The following LPP variants were observed in gnomAD, a reference collection of about 807,000 sequenced individuals.
The protein encoded by LPP is lipoma-preferred partner.
LPP carries 38 observed loss-of-function variants against 60.4 expected under a neutral mutation model. That is an observed-to-expected ratio of 0.63 (90% CI 0.49 to 0.83). LPP has a LOEUF of 0.83. Ranked by LOEUF, LPP falls within the 40% of genes least tolerant of loss-of-function variation. The pLI, the probability that LPP is intolerant of heterozygous loss-of-function variation, is 0.00. For synonymous variants in LPP, 328 were observed against 290.8 expected, an observed-to-expected ratio of 1.13 and a Z score of -1.30; for missense variants, 902 against 783.6, an observed-to-expected ratio of 1.15 and a Z score of -1.80.
intron 2 of LPP, among the ~76,000 whole-genome samples, chr3:188,313,890 A>G (rs1402971846): frequency 6.6e-6 from 1 of 152,062 alleles, no homozygotes; most frequent in Admixed American, 6.5e-5. Context: ...TGCTCTAGTT[A>G]ATGTAATTAT....
At chr3:188,774,425 C>A (rs1737062346) in intron 9 of LPP, among the ~76,000 whole-genome samples, 1 of 43,238 alleles carries the variant, frequency 2.3e-5, no homozygotes, top group Admixed American at 3.5e-4. Flanking sequence ...TCCTTAGGAG[C>A]AAACTCATTT....
At chr3:188,693,105 T>C (rs1433181570) in intron 7 of LPP, among the ~76,000 whole-genome samples, 1 of 152,220 alleles carries the variant, frequency 6.6e-6, no homozygotes, top group Non-Finnish European at 1.5e-5. Flanking sequence ...TGGCACATAA[T>C]TACATGAAAC....
At position 188,375,110 on chromosome 3, in the gene LPP, A is replaced by C. The variant is rs574702172; in HGVS notation, c.-9-31002A>C. Among the ~76,000 whole-genome samples, 104 of 152,232 alleles carry C rather than the reference A, an allele frequency of 6.8e-4. 5 individuals carry two copies. The South Asian group carries it at 0.02, about 29-fold the overall frequency. On this transcript the variant is annotated intron_variant, in intron 3 of 11. Coordinates refer to ENST00000617246, the MANE Select transcript of LPP (RefSeq NM_001375462.1). ...GACGTGCTGCTGGATTCGGTTTGCC[A>C]GTATTTTATTGAGGATTTTTGCATC...
intron 7 of LPP, among the ~76,000 whole-genome samples, chr3:188,624,926 C>A (rs1165719675): frequency 6.6e-6 from 1 of 151,406 alleles, no homozygotes; most frequent in African/African-American, 2.4e-5. Flanking sequence ...CCCTTCCTTC[C>A]TTCTTTCCTT....
chr3:188,518,039 G>A (rs903966670), intron 5 of LPP, among the ~76,000 whole-genome samples: 15 of 151,988 alleles, frequency 9.9e-5, no homozygotes, highest in African/African-American at 2.2e-4. Context: ...ATGAGTAAAC[G>A]CTTTCTGAGG....
At chr3:188,371,613 GA>G (rs1336563411) in intron 3 of LPP, among the ~76,000 whole-genome samples, 1 of 48,640 alleles carries the variant, frequency 2.1e-5, no homozygotes, top group African/African-American at 5.8e-5. Context: ...TGAGTGGTGG[GA>G]AAATATATAT....
intron 7 of LPP, among the ~76,000 whole-genome samples, chr3:188,621,728 T>A (rs894196968): frequency 6.6e-6 from 1 of 152,178 alleles, no homozygotes; most frequent in Non-Finnish European, 1.5e-5. Context: ...TGGTGCAGTC[T>A]TGGCTTACTA....
chr3:188,481,022 T>C (rs995399608), intron 4 of LPP, among the ~76,000 whole-genome samples: 2 of 152,238 alleles, frequency 1.3e-5, no homozygotes, highest in African/African-American at 4.8e-5. Context: ...ACATGATAAT[T>C]CTGCCTTGTC....
At chr3:188,251,581 A>G (rs992698723) in intron 2 of LPP, among the ~76,000 whole-genome samples, 6 of 152,170 alleles carry the variant, frequency 3.9e-5, no homozygotes, top group African/African-American at 1.4e-4. Flanking sequence ...ATATACAAAT[A>G]TGTATACACA....
Position 188,886,601 on chromosome 3 carries a change from T to C in LPP, c.*12122T>C, listed in dbSNP as rs191819035. On this transcript the variant is annotated 3_prime_UTR_variant, in exon 12 of 12. Coordinates refer to ENST00000617246, the MANE Select transcript of LPP (RefSeq NM_001375462.1). Reference sequence around the variant, plus strand: ...AAAACATTATTTTCAAATACCTTTATAAATCATCTAATTTATCTTCACATA... The same window carrying C: ...AAAACATTATTTTCAAATACCTTTACAAATCATCTAATTTATCTTCACATA... 1.9e-3 allele frequency: 409 copies of C among 210,360 alleles called. No homozygotes were observed. Among genetic ancestry groups the C allele is most frequent in the Middle Eastern group, 0.019 (12 of 640 alleles). 13.0% of individuals were successfully genotyped at this position (210,360 alleles called of 1,614,324 possible). A position where few individuals can be genotyped will look rare whatever the true frequency, so the allele number is the denominator to read the frequency against.
chr3:188,731,496 A>G (rs573318837), intron 8 of LPP, among the ~76,000 whole-genome samples: 42 of 56,454 alleles, frequency 7.4e-4, no homozygotes, highest in Non-Finnish European at 1.6e-3. Flanking sequence ...ATTTTTGTCT[A>G]ATCTTTTATT....
At chr3:188,647,320 C>T (rs185623852) in intron 7 of LPP, among the ~76,000 whole-genome samples, 145 of 152,144 alleles carry the variant, frequency 9.5e-4, no homozygotes, top group African/African-American at 3.3e-3. Context: ...GCGTCTGCTG[C>T]GGTGCCTGAT....
chr3:188,808,273 T>A (rs1321713931), intron 9 of LPP, among the ~76,000 whole-genome samples: 1 of 152,114 alleles, frequency 6.6e-6, no homozygotes, highest in Non-Finnish European at 1.5e-5. Flanking sequence ...TTTGCACTGT[T>A]GGTGGGAATG....
At chr3:188,504,232 C>T (rs1421027007) in intron 5 of LPP, among the ~76,000 whole-genome samples, 1 of 152,140 alleles carries the variant, frequency 6.6e-6, no homozygotes, top group Non-Finnish European at 1.5e-5. Flanking sequence ...TTGAGTTCCT[C>T]TAGTGAATTT....
rs766417761 is a variant in LPP at position 188,321,100 on chromosome 3, T to TTC, written c.-66-20562_-66-20561insCT. ...TGAGATAGAAGGTTGAGAGAAACAC[T>TTC]TTGCAGTATTGGGAGAACTGGGTCT... On this transcript the variant is annotated intron_variant, in intron 2 of 11. Transcript: ENST00000617246. 3.9e-4 allele frequency among the ~76,000 whole-genome samples: 59 copies of TTC among 152,236 alleles called. 1 individual carries two copies. Among genetic ancestry groups the TTC allele is most frequent in the Non-Finnish European group, 8.1e-4 (55 of 68,040 alleles).
chr3:188,779,172 T>C (rs1262302510), intron 9 of LPP, among the ~76,000 whole-genome samples: 1 of 152,110 alleles, frequency 6.6e-6, no homozygotes, highest in East Asian at 1.9e-4. Context: ...AGTGCACTTA[T>C]AGAAATTCTT....
intron 4 of LPP, among the ~76,000 whole-genome samples, chr3:188,432,441 A>G (rs1466309456): frequency 6.6e-6 from 1 of 152,198 alleles, no homozygotes. Flanking sequence ...TTTAATAGAA[A>G]TCAGAGTATT....
intron 2 of LPP, among the ~76,000 whole-genome samples, chr3:188,287,524 G>T (rs1052801440): frequency 6.6e-6 from 1 of 152,190 alleles, no homozygotes; most frequent in African/African-American, 2.4e-5. Context: ...TTTGACAAAT[G>T]GTTCTCGTTG....
At chr3:188,830,461 C>A (rs967348594) in intron 9 of LPP, among the ~76,000 whole-genome samples, 1 of 151,920 alleles carries the variant, frequency 6.6e-6, no homozygotes. Flanking sequence ...AAAAAATTAG[C>A]CAGGTGTGGT....
Sources: gnomAD v4.1 joint callset for allele counts (sites outside exome capture counted in the v4.1 genomes callset) on GRCh38, gnomAD v4.1.1 for gene constraint, MANE v1.5 for transcripts, NCBI Gene and HGNC (gene_info 2026-07-23, HGNC 2026-07-21) for gene names.